Variants in ZFHX3 observed in about 807,000 individuals in gnomAD.
The protein encoded by ZFHX3 is zinc finger homeobox 3.
Under a neutral mutation model 279.1 loss-of-function variants are expected in ZFHX3, and 42 were observed. The ratio of observed to expected loss-of-function variants is 0.15; its 90% CI spans 0.12 to 0.19. The LOEUF is 0.19. Ranked by LOEUF, ZFHX3 falls within the 10% of genes least tolerant of loss-of-function variation. The probability of loss-of-function intolerance (pLI) is 1.00; values close to 1 mark genes in which losing one functional copy is unlikely to be tolerated. For missense variants in ZFHX3, 4,981 were observed against 4,754.0 expected (o/e 1.05, Z -1.40); for synonymous variants, 2,293 against 1,957.8 (o/e 1.17, Z -4.52).
chr16:73,291,142 T>G (rs1018483457), intron 4 of ZFHX3, among the ~76,000 whole-genome samples: 49 of 152,208 alleles, frequency 3.2e-4, no homozygotes, highest in African/African-American at 1.0e-3. Context: ...GTGCTCTCAG[T>G]GTCTGTAGAG....
chr16:73,418,348 C>CAG (rs34571840), intron 3 of ZFHX3, among the ~76,000 whole-genome samples: 52,552 of 152,062 alleles, frequency 0.35, 11,092 homozygotes, highest in Non-Finnish European at 0.48. Flanking sequence ...GCTCAACTCC[C>CAG]AGAAGCTACC....
At position 73,392,049 on chromosome 16, in the gene ZFHX3, G is replaced by A. The variant is rs79025868; in HGVS notation, c.-1291+63954C>T. Reference sequence around the variant, plus strand: ...GGAATTTTATGAGGGTTTTTTGAAGGGGAATTTAAAAGAGAGCTGGGCCCT... The same window carrying A: ...GGAATTTTATGAGGGTTTTTTGAAGAGGAATTTAAAAGAGAGCTGGGCCCT... On this transcript the variant is annotated intron_variant, in intron 3 of 17. Transcript: ENST00000641206. 9.1e-3 allele frequency among the ~76,000 whole-genome samples: 1,379 copies of A among 152,132 alleles called. 27 individuals are homozygous for A. The highest frequency in any genetic ancestry group is 0.03 in the African/African-American group (1,260 of 41,494).
chr16:73,371,988 A>T (rs986840739), intron 3 of ZFHX3, among the ~76,000 whole-genome samples: 5 of 152,200 alleles, frequency 3.3e-5, no homozygotes, highest in Admixed American at 2.6e-4. Flanking sequence ...TGCACATGTC[A>T]CGCGAATTTT....
chr16:73,007,261 T>C (rs1370746441), intron 1 of ZFHX3, among the ~76,000 whole-genome samples: 1 of 152,236 alleles, frequency 6.6e-6, no homozygotes, highest in African/African-American at 2.4e-5. Flanking sequence ...AGCTTTCTTT[T>C]TGTGTAACCT....
intron 3 of ZFHX3, among the ~76,000 whole-genome samples, chr16:73,355,230 A>C (rs2016318162): frequency 6.6e-6 from 1 of 151,960 alleles, no homozygotes; most frequent in African/African-American, 2.4e-5. Context: ...TGTAGGACAC[A>C]CTCTTTTCTG....
intron 3 of ZFHX3, among the ~76,000 whole-genome samples, chr16:72,900,964 T>C (rs2039019719): frequency 6.6e-6 from 1 of 152,242 alleles, no homozygotes; most frequent in East Asian, 1.9e-4. Context: ...TCTTAAATTC[T>C]AGCAAACTGC....
intron 2 of ZFHX3, among the ~76,000 whole-genome samples, chr16:73,473,577 G>A (rs910007149): frequency 1.3e-5 from 2 of 152,080 alleles, no homozygotes; most frequent in South Asian, 2.1e-4. Flanking sequence ...CCACTTCGGT[G>A]CCACCCACTG....
At chr16:73,741,077 G>T (rs1272401332) in intron 1 of ZFHX3, among the ~76,000 whole-genome samples, 1 of 137,928 alleles carries the variant, frequency 7.3e-6, no homozygotes, top group African/African-American at 2.7e-5. Flanking sequence ...TGTTGCCCAG[G>T]CTGGAGTGCA....
At chr16:73,808,462 T>G (rs1179919247) in intron 1 of ZFHX3, 1 of 152,228 alleles carries the variant, frequency 6.6e-6, no homozygotes, top group Non-Finnish European at 1.5e-5. Flanking sequence ...CCTTCTACTT[T>G]TTGTTTCAGG....
chr16:73,663,190 G>C (rs1423633825), intron 2 of ZFHX3, among the ~76,000 whole-genome samples: 1 of 152,198 alleles, frequency 6.6e-6, no homozygotes, highest in East Asian at 1.9e-4. Flanking sequence ...CCTTCTCCTT[G>C]ACTATTTTTC....
intron 3 of ZFHX3, among the ~76,000 whole-genome samples, chr16:72,941,972 G>A (rs1960432010): frequency 6.6e-6 from 1 of 152,150 alleles, no homozygotes; most frequent in Non-Finnish European, 1.5e-5. Context: ...ACACTTACTA[G>A]TATTTACAGT....
chr16:73,626,056 T>C (rs1376655255), intron 2 of ZFHX3, among the ~76,000 whole-genome samples: 5 of 152,004 alleles, frequency 3.3e-5, no homozygotes, highest in Non-Finnish European at 7.4e-5. Context: ...CGGGGTTTCA[T>C]CGTGTTAGCC....
At chr16:73,287,711 AGTGTGTGGCTGTGTGGGTCG>A (rs1162618572) in intron 4 of ZFHX3, among the ~76,000 whole-genome samples, 41 of 70,528 alleles carry the variant, frequency 5.8e-4, no homozygotes, top group South Asian at 9.5e-4. Context: ...TGTGTGGGTC[AGTGTGTGGCTGTGTGGGTCG>A]GTGTGTGGCT....
At chr16:73,191,207 G>A (rs78098154) in intron 5 of ZFHX3, among the ~76,000 whole-genome samples, 4,123 of 152,186 alleles carry the variant, frequency 0.027, 200 homozygotes, top group African/African-American at 0.095. Flanking sequence ...ATATTTCTGA[G>A]GTTGTCAGCA....
intron 3 of ZFHX3, among the ~76,000 whole-genome samples, chr16:72,903,458 T>G (rs2039090157): frequency 1.3e-5 from 2 of 152,326 alleles, no homozygotes; most frequent in Non-Finnish European, 2.9e-5. Flanking sequence ...CAAGGCAGGC[T>G]TCTAGTAGGG....
intron 8 of ZFHX3, among the ~76,000 whole-genome samples, chr16:73,066,335 G>T (rs1965752720): frequency 1.3e-5 from 2 of 152,312 alleles, no homozygotes; most frequent in East Asian, 1.9e-4. Flanking sequence ...TTATCATTGA[G>T]AATTCGACAG....
At chr16:73,090,197 C>T (rs1258132984) in intron 8 of ZFHX3, among the ~76,000 whole-genome samples, 1 of 152,090 alleles carries the variant, frequency 6.6e-6, no homozygotes, top group Non-Finnish European at 1.5e-5. Flanking sequence ...AGTTTGAGAC[C>T]AGCCTCTGCA....
At chr16:73,470,096 G>C (rs942565421) in intron 2 of ZFHX3, among the ~76,000 whole-genome samples, 3 of 152,154 alleles carry the variant, frequency 2.0e-5, no homozygotes, top group Non-Finnish European at 4.4e-5. Context: ...TCTTATTCAT[G>C]AGGTCCAGGA....
intron 5 of ZFHX3, among the ~76,000 whole-genome samples, chr16:73,178,347 C>T (rs1394304172): frequency 6.6e-6 from 1 of 152,056 alleles, no homozygotes; most frequent in African/African-American, 2.4e-5. Context: ...CCATGTTGAC[C>T]AGGCTAGTCT....
Sources: gnomAD v4.1 joint callset for allele counts (sites outside exome capture counted in the v4.1 genomes callset) on GRCh38, gnomAD v4.1.1 for gene constraint, MANE v1.5 for transcripts, NCBI Gene and HGNC (gene_info 2026-07-23, HGNC 2026-07-21) for gene names.